The following C2orf92 variants were observed in gnomAD, a reference collection of about 807,000 sequenced individuals.
C2orf92 encodes uncharacterized protein C2orf92.
chr2:97,680,664 C>T (rs1001929467), intron 3 of C2orf92, among the ~76,000 whole-genome samples: 6 of 152,160 alleles, frequency 3.9e-5, no homozygotes, highest in Non-Finnish European at 7.3e-5. Flanking sequence ...CGGTGGCTCA[C>T]GCCTGTAGTC....
intron 5 of C2orf92, among the ~76,000 whole-genome samples, chr2:97,696,049 C>G (rs1011064421): frequency 1.3e-5 from 2 of 152,234 alleles, no homozygotes; most frequent in African/African-American, 4.8e-5. Flanking sequence ...CAGTGGGAAG[C>G]ACTGTGCTGG....
chr2:97,690,258 A>G lies in C2orf92; in HGVS notation c.334A>G (p.Thr112Ala), dbSNP rs1676084389. The G allele has an allele frequency of 2.5e-6, 1 of 398,910 alleles. No homozygotes were observed. The highest frequency in any genetic ancestry group is 1.3e-4 in the South Asian group (1 of 7,868). 24.7% of individuals were successfully genotyped at this position (398,910 alleles called of 1,614,324 possible). ...TTTATTCATGTGTCTTATCAAAGGA[A>G]CCAGCATTGCTTGGAATTCTCCTAA... The part of the protein sequence containing the change: ...SITKTDMRKG[T>A]SIAWNSPKPE... The change falls in exon 5 of 8, where the codon ACC becomes GCC. Residue 112 changes from threonine to alanine, a missense_variant and splice_region_variant. Thr to Ala is a moderately conservative substitution (Grantham distance 58). Coordinates refer to ENST00000627399, the MANE Select transcript of C2orf92 (RefSeq NM_001351368.2).
At chr2:97,700,620 C>T (rs1676461200) in intron 6 of C2orf92, among the ~76,000 whole-genome samples, 1 of 152,122 alleles carries the variant, frequency 6.6e-6, no homozygotes, top group Non-Finnish European at 1.5e-5. Flanking sequence ...CAAAATCATC[C>T]CATCTTATCG....
intron 5 of C2orf92, among the ~76,000 whole-genome samples, chr2:97,693,916 T>C (rs1336024759): frequency 1.3e-5 from 2 of 152,242 alleles, no homozygotes; most frequent in Non-Finnish European, 2.9e-5. Context: ...ATACACATAA[T>C]ATGAAGTTTA....
chr2:97,696,413 C>T (rs1676306723), intron 5 of C2orf92, among the ~76,000 whole-genome samples: 1 of 152,000 alleles, frequency 6.6e-6, no homozygotes, highest in African/African-American at 2.4e-5. Flanking sequence ...GTCTGCACCT[C>T]CTCCTTGGCA....
At chr2:97,684,622 A>G (rs192934786) in intron 3 of C2orf92, among the ~76,000 whole-genome samples, 1 of 152,340 alleles carries the variant, frequency 6.6e-6, no homozygotes, top group East Asian at 1.9e-4. Flanking sequence ...AAATAGCTAC[A>G]TTGGACATCA....
At chr2:97,688,352 T>C (rs1327216279) in intron 3 of C2orf92, among the ~76,000 whole-genome samples, 1 of 151,996 alleles carries the variant, frequency 6.6e-6, no homozygotes, top group Non-Finnish European at 1.5e-5. Flanking sequence ...TTTCTGTGAC[T>C]TAGCAAGGAA....
rs1024756158 is a variant in C2orf92, at chr2:97,674,547, C to T, written c.138C>T (p.Asp46=). 1.0e-5 allele frequency: 4 copies of T among 398,492 alleles called. No individual in the cohort carries two copies. Among genetic ancestry groups the T allele is most frequent in the Non-Finnish European group, 1.8e-5 (4 of 226,072 alleles). 24.7% of individuals were successfully genotyped at this position (398,492 alleles called of 1,614,324 possible). A position where few individuals can be genotyped will look rare whatever the true frequency, so the allele number is the denominator to read the frequency against. Residue 46 remains aspartate, a synonymous_variant, in exon 2 of 8, where the codon GAC becomes GAT. Transcript: ENST00000627399. ...RTAVRSITKR[D]TQKSYSQQKS... ...CAGTCAGATCCATTACAAAGAGAGA[C>T]ACACAAAAAAGCAAGTATATGTCGT...
chr2:97,666,764 G>A (rs1371072100), upstream of C2orf92: 2 of 149,052 alleles, frequency 1.3e-5, no homozygotes, highest in Admixed American at 6.8e-5. Flanking sequence ...GTTGGCTTGA[G>A]CCCGGGAGAT....
intron 3 of C2orf92, among the ~76,000 whole-genome samples, chr2:97,684,548 T>C (rs940247332): frequency 2.0e-5 from 3 of 152,228 alleles, no homozygotes; most frequent in African/African-American, 7.2e-5. Flanking sequence ...GTGAAAATCT[T>C]CATGACCTTG....
At chr2:97,672,252 A>G (rs1675440143) in intron 1 of C2orf92, 2 of 151,344 alleles carry the variant, frequency 1.3e-5, no homozygotes, top group Admixed American at 6.6e-5. Context: ...TTTGGATCAC[A>G]GAGCGATGCC....
chr2:97,682,944 TA>T (rs1675826054), intron 3 of C2orf92, among the ~76,000 whole-genome samples: 1 of 151,992 alleles, frequency 6.6e-6, no homozygotes, highest in African/African-American at 2.4e-5. Context: ...TTCTATTCAA[TA>T]CAGTACTGGA....
At position 97,699,592 on chromosome 2, in the gene C2orf92, C is replaced by T. The variant is rs542142963; in HGVS notation, c.514+456C>T. Among the ~76,000 whole-genome samples the T allele has an allele frequency of 1.4e-3, 207 of 152,136 alleles. 1 individual carries two copies. Among genetic ancestry groups the T allele is most frequent in the Non-Finnish European group, 2.1e-3 (145 of 67,994 alleles). On this transcript the variant is annotated intron_variant, in intron 6 of 7. Coordinates refer to ENST00000627399, the MANE Select transcript of C2orf92 (RefSeq NM_001351368.2). ...TGCACTCCAGCCTGGGCAACAAGAG[C>T]GAGACTCAATCTAAAAAAATAAATA... is the stretch of plus-strand genomic sequence containing the variant.
upstream of C2orf92, chr2:97,669,632 C>A (rs1410538435): frequency 5.1e-6 from 2 of 392,782 alleles, no homozygotes; most frequent in Non-Finnish European, 9.0e-6. Flanking sequence ...CAGACACAGG[C>A]CCTTCCCCTT....
chr2:97,667,360 T>C (rs1280662121), upstream of C2orf92, among the ~76,000 whole-genome samples: 3 of 150,828 alleles, frequency 2.0e-5, no homozygotes, highest in East Asian at 1.9e-4. Context: ...CCTGTCGGGT[T>C]CAGGCAATTC....
chr2:97,694,258 T>C (rs1369784646), intron 5 of C2orf92, among the ~76,000 whole-genome samples: 1 of 151,568 alleles, frequency 6.6e-6, no homozygotes, highest in Non-Finnish European at 1.5e-5. Context: ...CTTTTTTTTT[T>C]TTTTGAGACA....
At chr2:97,684,765 A>T (rs1486713143) in intron 3 of C2orf92, among the ~76,000 whole-genome samples, 2 of 151,574 alleles carry the variant, frequency 1.3e-5, no homozygotes, top group East Asian at 3.9e-4. Context: ...ACAACAAAAC[A>T]AACAAACAAC....
At chr2:97,685,053 C>T (rs1485185849) in intron 3 of C2orf92, among the ~76,000 whole-genome samples, 1 of 151,700 alleles carries the variant, frequency 6.6e-6, no homozygotes, top group African/African-American at 2.4e-5. Context: ...CCTCAGCCTC[C>T]CGAGTAGCTG....
intron 3 of C2orf92, among the ~76,000 whole-genome samples, chr2:97,676,288 G>C (rs2104545476): frequency 6.6e-6 from 1 of 151,840 alleles, no homozygotes; most frequent in African/African-American, 2.4e-5. Flanking sequence ...ACAAAAATTA[G>C]CTGGGCATGG....
Sources: allele counts gnomAD v4.1 joint callset (sites outside exome capture counted in the v4.1 genomes callset), GRCh38; gene constraint gnomAD v4.1.1; transcripts MANE v1.5; gene names NCBI Gene and HGNC (gene_info 2026-07-23, HGNC 2026-07-21).